GPR158: variants seen among roughly 807,000 people sequenced by gnomAD.
GPR158 encodes G protein-coupled receptor 158, also known as metabotropic glycine receptor.
A neutral mutation model predicts 78.2 loss-of-function variants in GPR158; 30 were observed. The observed-to-expected ratio is 0.38, with a 90% CI of 0.29 to 0.52. The LOEUF (loss-of-function observed/expected upper bound fraction) is 0.52, where lower values mean the gene tolerates loss of function less well. Ranked by LOEUF, GPR158 falls within the 20% of genes least tolerant of loss-of-function variation. The probability of loss-of-function intolerance (pLI) is 0.83; values close to 1 mark genes in which losing one functional copy is unlikely to be tolerated. For missense variants in GPR158, 1,463 were observed against 1,523.5 expected, an observed-to-expected ratio of 0.96 and a Z score of 0.66; for synonymous variants, 581 against 591.1, an observed-to-expected ratio of 0.98 and a Z score of 0.25.
At chr10:25,229,933 TAA>T (rs1853426309) in intron 2 of GPR158, among the ~76,000 whole-genome samples, 1 of 152,204 alleles carries the variant, frequency 6.6e-6, no homozygotes. Context: ...TGGATTTGTT[TAA>T]GTCTAAGGCT....
chr10:25,517,712 G>C (rs942997348), intron 5 of GPR158, among the ~76,000 whole-genome samples: 1 of 151,138 alleles, frequency 6.6e-6, no homozygotes, highest in African/African-American at 2.4e-5. Flanking sequence ...TTGCATCCCA[G>C]GGATGAAGCC....
chr10:25,278,007 T>A (rs1854209433), intron 2 of GPR158, among the ~76,000 whole-genome samples: 1 of 152,070 alleles, frequency 6.6e-6, no homozygotes, highest in African/African-American at 2.4e-5. Flanking sequence ...AGTATAAAAC[T>A]TCCTTAAAAA....
In GPR158 at chr10:25,499,317, C is replaced by A. The variant is rs577109724; in HGVS notation, c.1404+32598C>A. 5.9e-5 allele frequency among the ~76,000 whole-genome samples: 9 copies of A among 152,280 alleles called. No homozygotes were observed. In the East Asian group the frequency reaches 1.5e-3, roughly 26 times the overall value. On this transcript the variant is annotated intron_variant, in intron 5 of 10. Transcript: ENST00000376351. ...ATACAGTGCGCTCACAAGCTCCATA[C>A]CCAGGGCTCCAAACCCTTTTGCAAA...
At position 25,284,554 on chromosome 10, in the gene GPR158, A is replaced by G. The variant is rs549711066; in HGVS notation, c.1008+63397A>G. Among the ~76,000 whole-genome samples, 172 of 148,134 alleles carry G rather than the reference A, an allele frequency of 1.2e-3. 1 individual carries two copies. The highest frequency in any genetic ancestry group is 4.2e-3 in the African/African-American group (163 of 38,998). On this transcript the variant is annotated intron_variant, in intron 2 of 10. Coordinates refer to ENST00000376351, the MANE Select transcript of GPR158 (RefSeq NM_020752.3). The stretch of plus-strand genomic sequence containing the variant: ...TTTCTTTTATATAGCATATATTTAG[A>G]TTTAGAGTTTTATTCAGTCTGACAA...
intron 2 of GPR158, among the ~76,000 whole-genome samples, chr10:25,223,094 C>T (rs1853322737): frequency 6.6e-6 from 1 of 152,116 alleles, no homozygotes; most frequent in Non-Finnish European, 1.5e-5. Flanking sequence ...AAAATATCCT[C>T]TATTCTGATT....
chr10:25,218,824 T>A (rs2765709), intron 1 of GPR158, among the ~76,000 whole-genome samples: 17,853 of 152,064 alleles, frequency 0.12, 1,235 homozygotes, highest in East Asian at 0.3. Flanking sequence ...TTCATCCCCT[T>A]TATCTGCTGG....
At chr10:25,388,124 T>C (rs1272079095) in intron 2 of GPR158, among the ~76,000 whole-genome samples, 1 of 152,246 alleles carries the variant, frequency 6.6e-6, no homozygotes, top group East Asian at 1.9e-4. Flanking sequence ...GAGCTGTCTT[T>C]TGTAAATCTC....
chr10:25,533,823 A>T (rs1836456122), intron 5 of GPR158, among the ~76,000 whole-genome samples: 3 of 151,882 alleles, frequency 2.0e-5, no homozygotes, highest in Admixed American at 2.0e-4. Context: ...ATGAGCTCAG[A>T]CTCCAGACCC....
At chr10:25,304,467 A>G (rs947931151) in intron 2 of GPR158, among the ~76,000 whole-genome samples, 68 of 152,110 alleles carry the variant, frequency 4.5e-4, no homozygotes, top group African/African-American at 1.5e-3. Context: ...TCCCACTTTC[A>G]TCTTGAGGAT....
At chr10:25,263,215 G>A (rs1362511754) in intron 2 of GPR158, among the ~76,000 whole-genome samples, 2 of 152,180 alleles carry the variant, frequency 1.3e-5, no homozygotes, top group Non-Finnish European at 2.9e-5. Flanking sequence ...TTTATGAAAA[G>A]TGTGAAGTCT....
intron 2 of GPR158, among the ~76,000 whole-genome samples, chr10:25,339,841 A>G (rs1299508363): frequency 6.6e-6 from 1 of 152,056 alleles, no homozygotes; most frequent in Non-Finnish European, 1.5e-5. Context: ...CTGACCTTGT[A>G]TTTCTGGAAT....
intron 1 of GPR158, among the ~76,000 whole-genome samples, chr10:25,199,771 A>G (rs1453838838): frequency 1.3e-5 from 2 of 152,196 alleles, no homozygotes; most frequent in Admixed American, 1.3e-4. Flanking sequence ...AGGCCGCCTC[A>G]GCCATGCAGA....
intron 6 of GPR158, among the ~76,000 whole-genome samples, chr10:25,564,661 G>C (rs1836905244): frequency 6.6e-6 from 1 of 151,018 alleles, no homozygotes; most frequent in African/African-American, 2.4e-5. Flanking sequence ...CGTGTCCTGA[G>C]CATGCAGATG....
At chr10:25,575,066 C>A (rs79493871) in intron 7 of GPR158, among the ~76,000 whole-genome samples, 172 of 121,052 alleles carry the variant, frequency 1.4e-3, no homozygotes, top group African/African-American at 1.7e-3. Flanking sequence ...GACTCCATCT[C>A]AAAAAAAAAA....
At chr10:25,391,139 C>A (rs893841214) in intron 2 of GPR158, among the ~76,000 whole-genome samples, 6 of 152,194 alleles carry the variant, frequency 3.9e-5, no homozygotes, top group African/African-American at 1.4e-4. Context: ...CATAGAAACA[C>A]CTGGATGTCC....
chr10:25,568,815 A>C (rs1204768187), intron 6 of GPR158, among the ~76,000 whole-genome samples: 1 of 152,138 alleles, frequency 6.6e-6, no homozygotes. Flanking sequence ...CAGTCTTCCC[A>C]TATATGTTGG....
At chr10:25,373,497 A>T (rs1427644982) in intron 2 of GPR158, among the ~76,000 whole-genome samples, 1 of 151,866 alleles carries the variant, frequency 6.6e-6, no homozygotes, top group African/African-American at 2.4e-5. Context: ...TTTCTTATTT[A>T]TGTATCTTCT....
chr10:25,285,254 T>G (rs1854334090), intron 2 of GPR158, among the ~76,000 whole-genome samples: 1 of 151,036 alleles, frequency 6.6e-6, no homozygotes, highest in South Asian at 2.1e-4. Flanking sequence ...TCTTTCTTTC[T>G]CCTTCTCTCT....
chr10:25,392,881 G>T (rs988358429), intron 2 of GPR158, among the ~76,000 whole-genome samples: 2 of 152,098 alleles, frequency 1.3e-5, no homozygotes, highest in Non-Finnish European at 2.9e-5. Flanking sequence ...GAAAACAGTA[G>T]CACATTTGGT....
Sources: gnomAD v4.1 joint callset for allele counts (sites outside exome capture counted in the v4.1 genomes callset) on GRCh38, gnomAD v4.1.1 for gene constraint, MANE v1.5 for transcripts, NCBI Gene and HGNC (gene_info 2026-07-23, HGNC 2026-07-21) for gene names.